ARHGAP24: variants seen among roughly 807,000 people sequenced by gnomAD.
ARHGAP24 encodes rho GTPase-activating protein 24.
In ARHGAP24, 50 loss-of-function variants were observed where a neutral mutation model predicts 76.4. The observed-to-expected ratio is 0.65, with a 90% CI of 0.52 to 0.83. The LOEUF is 0.83. Among genes scored for constraint, ARHGAP24 ranks in the 40% least tolerant of loss-of-function variants. The pLI is 0.00. For missense variants in ARHGAP24, 930 were observed against 914.2 expected (o/e 1.02, Z -0.22); for synonymous variants, 345 against 323.3 (o/e 1.07, Z -0.72).
intron 4 of ARHGAP24, among the ~76,000 whole-genome samples, chr4:85,925,953 A>C (rs1028127339): frequency 6.6e-6 from 1 of 152,162 alleles, no homozygotes; most frequent in Non-Finnish European, 1.5e-5. Flanking sequence ...AGAATCTTTA[A>C]TATCTACTGA....
intron 2 of ARHGAP24, among the ~76,000 whole-genome samples, chr4:85,697,240 A>G: frequency 6.6e-6 from 1 of 152,216 alleles, no homozygotes; most frequent in East Asian, 1.9e-4. Context: ...TATGAAGAAT[A>G]ATGTAATGCT....
intron 3 of ARHGAP24, among the ~76,000 whole-genome samples, chr4:85,780,283 C>T (rs1381038039): frequency 6.6e-6 from 1 of 152,086 alleles, no homozygotes; most frequent in African/African-American, 2.4e-5. Flanking sequence ...AAGTGATTCT[C>T]CTGCCTCAGC....
chr4:85,793,262 G>C (rs1335990244), intron 3 of ARHGAP24, among the ~76,000 whole-genome samples: 2 of 152,148 alleles, frequency 1.3e-5, no homozygotes, highest in Non-Finnish European at 2.9e-5. Context: ...AAAAACTCCA[G>C]TGATAATTCA....
At chr4:85,499,070 G>A (rs1172195503) in intron 1 of ARHGAP24, among the ~76,000 whole-genome samples, 1 of 152,064 alleles carries the variant, frequency 6.6e-6, no homozygotes, top group Admixed American at 6.5e-5. Flanking sequence ...GCTTGTTGTT[G>A]TTTGCTTCGT....
At position 85,788,534 on chromosome 4, in the gene ARHGAP24, A is replaced by G. The variant is rs556151416; in HGVS notation, c.268+66562A>G. 2.6e-5 allele frequency among the ~76,000 whole-genome samples: 4 copies of G among 152,318 alleles called. No individual in the cohort carries two copies. The South Asian group carries it at 8.3e-4, about 32-fold the overall frequency. ...GATTTGACCTGGTTAGGTCTTGACC[A>G]TAGAGGTGAGAGGATTAGGGAATAA... On this transcript the variant is annotated intron_variant, in intron 3 of 9. Transcript: ENST00000395184.
intron 2 of ARHGAP24, among the ~76,000 whole-genome samples, chr4:85,629,380 TTA>T (rs1450494976): frequency 6.6e-6 from 1 of 152,198 alleles, no homozygotes; most frequent in Non-Finnish European, 1.5e-5. Context: ...ATCAAGTTAT[TTA>T]TATACTATCT....
Position 85,642,595 on chromosome 4 carries a change from C to A in ARHGAP24, c.180+71874C>A, listed in dbSNP as rs116616920. On this transcript the variant is annotated intron_variant, in intron 2 of 9. Transcript: ENST00000395184. ...TCTTTCTCTCACAATAGCTCACATT[C>A]ATTTGAATAAAATAAAAACCTTGCA... is the stretch of plus-strand genomic sequence containing the variant. Among the ~76,000 whole-genome samples, 1,276 of 151,538 alleles carry A rather than the reference C, an allele frequency of 8.4e-3. 19 individuals are homozygous for A. The highest frequency in any genetic ancestry group is 0.03 in the African/African-American group (1,218 of 41,228).
At chr4:85,756,869 A>G (rs1327664447) in intron 3 of ARHGAP24, among the ~76,000 whole-genome samples, 1 of 152,210 alleles carries the variant, frequency 6.6e-6, no homozygotes, top group Non-Finnish European at 1.5e-5. Context: ...AGACTAGGAT[A>G]GTGGAAGCCC....
chr4:85,798,368 G>A (rs1041834265), intron 3 of ARHGAP24, among the ~76,000 whole-genome samples: 4 of 152,182 alleles, frequency 2.6e-5, no homozygotes, highest in Non-Finnish European at 5.9e-5. Context: ...ATCTGTGAGT[G>A]CCAAGAGTTG....
intron 3 of ARHGAP24, among the ~76,000 whole-genome samples, chr4:85,871,620 G>A (rs1037207115): frequency 1.3e-5 from 2 of 152,180 alleles, no homozygotes; most frequent in Admixed American, 6.5e-5. Context: ...TGACCCAAGG[G>A]AAAGTGTGAT....
chr4:85,591,138 G>A (rs1035252496), intron 2 of ARHGAP24, among the ~76,000 whole-genome samples: 2 of 142,612 alleles, frequency 1.4e-5, no homozygotes, highest in South Asian at 2.3e-4. Flanking sequence ...TCTGCCTCCC[G>A]GGTTCAAGCA....
intron 3 of ARHGAP24, among the ~76,000 whole-genome samples, chr4:85,788,036 G>A (rs1210849894): frequency 6.6e-6 from 1 of 152,192 alleles, no homozygotes; most frequent in African/African-American, 2.4e-5. Context: ...GAAAGGAAGA[G>A]AAGGAGTGGT....
chr4:85,681,088 C>T (rs1723186750), intron 2 of ARHGAP24, among the ~76,000 whole-genome samples: 1 of 152,092 alleles, frequency 6.6e-6, no homozygotes, highest in Non-Finnish European at 1.5e-5. Context: ...TTAAAATATG[C>T]AGAAAAACTC....
chr4:85,711,339 C>T (rs577671730), intron 2 of ARHGAP24, among the ~76,000 whole-genome samples: 1 of 152,044 alleles, frequency 6.6e-6, no homozygotes, highest in East Asian at 1.9e-4. Context: ...TAAAAAACCC[C>T]CATGACAAAC....
intron 2 of ARHGAP24, among the ~76,000 whole-genome samples, chr4:85,663,146 A>G (rs1184068912): frequency 6.6e-6 from 1 of 151,476 alleles, no homozygotes; most frequent in African/African-American, 2.4e-5. Flanking sequence ...CTTCCTACCC[A>G]TGAGCATGGA....
At chr4:85,738,770 G>A (rs1725701705) in intron 3 of ARHGAP24, among the ~76,000 whole-genome samples, 2 of 152,050 alleles carry the variant, frequency 1.3e-5, no homozygotes, top group Admixed American at 1.3e-4. Context: ...TTTTGCATGT[G>A]GATTGTCTAG....
At chr4:85,832,033 G>C (rs1322048879) in intron 3 of ARHGAP24, among the ~76,000 whole-genome samples, 1 of 152,110 alleles carries the variant, frequency 6.6e-6, no homozygotes. Flanking sequence ...TTATTGAAGA[G>C]ATAGTTTGTC....
rs1740966204 is a variant in ARHGAP24, at chr4:86,000,648, T to C, written c.2173T>C (p.Phe725Leu). The C allele has an allele frequency of 1.2e-6, 2 of 1,613,786 alleles. No individual in the cohort carries two copies. Among genetic ancestry groups the C allele is most frequent in the Non-Finnish European group, 1.7e-6 (2 of 1,179,864 alleles). Residue 725 changes from phenylalanine (F) to leucine (L), a missense_variant, in exon 10 of 10, where the codon TTT becomes CTT. Transcript: ENST00000395184. Reference sequence around the variant, plus strand: ...CATGCTACAGAAAGAAATGGAGCAGTTTTTTTCCACGTTTGGAGAACTGAC... The same window carrying C: ...CATGCTACAGAAAGAAATGGAGCAGCTTTTTTCCACGTTTGGAGAACTGAC... Reference protein sequence around the residue: ...NDMLQKEMEQFFSTFGELTVE... With the variant: ...NDMLQKEMEQLFSTFGELTVE...
At chr4:85,937,976 T>C (rs145369089) in intron 4 of ARHGAP24, among the ~76,000 whole-genome samples, 23 of 152,272 alleles carry the variant, frequency 1.5e-4, no homozygotes, top group Middle Eastern at 3.4e-3. Flanking sequence ...AAGAATGAAA[T>C]ATGAATGTAT....
Sources: gnomAD v4.1 joint callset for allele counts (sites outside exome capture counted in the v4.1 genomes callset) on GRCh38, gnomAD v4.1.1 for gene constraint, MANE v1.5 for transcripts, NCBI Gene and HGNC (gene_info 2026-07-23, HGNC 2026-07-21) for gene names.